Variants in CELF5 observed in about 807,000 individuals in gnomAD.
CELF5 encodes CUG-BP and ETR-3 like factor 5.
In CELF5, 6 loss-of-function variants were observed where a neutral mutation model predicts 54.9. The ratio of observed to expected loss-of-function variants is 0.11; its 90% CI spans 0.06 to 0.22. The LOEUF is 0.22. Ranked by LOEUF, CELF5 falls within the 10% of genes least tolerant of loss-of-function variation. CELF5 has a pLI of 1.00. For missense variants in CELF5, 401 were observed against 678.6 expected (o/e 0.59, Z 4.54); for synonymous variants, 271 against 290.9 (o/e 0.93, Z 0.70).
At chr19:3,231,877 AATAG>A (rs1180605620) in intron 1 of CELF5, among the ~76,000 whole-genome samples, 1 of 151,220 alleles carries the variant, frequency 6.6e-6, no homozygotes, top group Non-Finnish European at 1.5e-5. Flanking sequence ...TGAGTGAATG[AATAG>A]ATGGATGGAT....
At position 3,250,965 on chromosome 19, in the gene CELF5, C is replaced by T; in HGVS notation, c.260-20C>T. 3 of 1,602,614 alleles carry T rather than the reference C, an allele frequency of 1.9e-6. No individual in the cohort carries two copies. Among genetic ancestry groups the T allele is most frequent in the East Asian group, 2.2e-5 (1 of 44,788 alleles). ...GGTGTGCCCGTGCTCTCTTAACACCCCCGTTTCTCTCCCTTCCAGGCTGTG... is the reference window on the plus strand; with the variant it reads ...GGTGTGCCCGTGCTCTCTTAACACCTCCGTTTCTCTCCCTTCCAGGCTGTG... On this transcript the variant is annotated intron_variant, in intron 1 of 12. Transcript: ENST00000292672.
At chr19:3,244,256 A>C (rs2145033125) in intron 1 of CELF5, among the ~76,000 whole-genome samples, 1 of 151,706 alleles carries the variant, frequency 6.6e-6, no homozygotes, top group South Asian at 2.1e-4. Context: ...TGGCGTGTGC[A>C]TGGGCCTGTG....
At chr19:3,251,167 T>C in intron 2 of CELF5, 100 bp downstream of exon 2, 1 of 867,342 alleles carries the variant, frequency 1.2e-6, no homozygotes, top group Non-Finnish European at 1.9e-6. Context: ...GAATTCTGTG[T>C]GTCTCGGGAC....
intron 2 of CELF5, chr19:3,270,670 G>A (rs1286024461): frequency 6.6e-6 from 1 of 151,178 alleles, no homozygotes; most frequent in Non-Finnish European, 1.5e-5. Flanking sequence ...CAGGCCGGTG[G>A]GTAAGGCGGG....
chr19:3,294,493 G>C (rs2145335049), intron 12 of CELF5: 1 of 152,164 alleles, frequency 6.6e-6, no homozygotes, highest in Middle Eastern at 3.4e-3. Context: ...GTTAGAAGCT[G>C]TCTGGCCTTT....
At chr19:3,289,758 GTTTTA>G (rs999999525) in intron 10 of CELF5, among the ~76,000 whole-genome samples, 20 of 143,070 alleles carry the variant, frequency 1.4e-4, no homozygotes, top group African/African-American at 4.9e-4. Context: ...TTACAAATGA[GTTTTA>G]TTTTAGAGAC....
chr19:3,288,759 G>C (rs1207146504), intron 10 of CELF5, among the ~76,000 whole-genome samples: 1 of 152,034 alleles, frequency 6.6e-6, no homozygotes, highest in African/African-American at 2.4e-5. Context: ...AAAGTGGGGG[G>C]ATTGCTTGAA....
Position 3,282,234 on chromosome 19 carries a change from G to A in CELF5, c.859G>A (p.Gly287Arg), listed in dbSNP as rs1274361859. Reference sequence around the variant, plus strand: ...GCAGATAGGCGCCGTCAGCCTCAACGGGCTGCCTGCCACACCCATCGCTCC... The same window carrying A: ...GCAGATAGGCGCCGTCAGCCTCAACAGGCTGCCTGCCACACCCATCGCTCC... ...IQQIGAVSLN[G>R]LPATPIAPAS... is the part of the protein sequence containing the mutation. The change falls in exon 7 of 13, where the codon GGG becomes AGG. Residue 287 changes from glycine to arginine, a missense_variant. Physicochemically the swap from Gly to Arg is moderately radical, Grantham distance 125. Transcript: ENST00000292672. This position sits in a 1 kb window ranked among gnomAD's most constrained non-coding sequence, Gnocchi z 5.2. 1.2e-6 allele frequency: 2 copies of A among 1,613,264 alleles called. No individual in the cohort carries two copies. The highest frequency in any genetic ancestry group is 2.2e-5 in the East Asian group (1 of 44,882).
In CELF5 at chr19:3,296,263, C is replaced by T. The variant is rs530617988; in HGVS notation, c.*41-495C>T. On this transcript the variant is annotated intron_variant, in intron 12 of 12. Transcript: ENST00000292672. Reference sequence around the variant, plus strand: ...ACAGCATCAAGTTCGTTTGGACATCCGGCAAGGCCTCTTACCAAATGAGGC... The same window carrying T: ...ACAGCATCAAGTTCGTTTGGACATCTGGCAAGGCCTCTTACCAAATGAGGC... 7.4e-5 allele frequency: 11 copies of T among 147,804 alleles called. No homozygotes were observed. The East Asian group carries it at 2.0e-3, about 27-fold the overall frequency. The allele number at this position is 147,804 out of a possible 1,614,324, so 9.2% of individuals were successfully genotyped here.
At chr19:3,263,061 C>A (rs1321461590) in intron 2 of CELF5, among the ~76,000 whole-genome samples, 1 of 151,340 alleles carries the variant, frequency 6.6e-6, no homozygotes, top group African/African-American at 2.4e-5. Flanking sequence ...GTCTGGCCAA[C>A]ATGGTGAAAC....
chr19:3,234,466 A>G (rs1210959701), intron 1 of CELF5, among the ~76,000 whole-genome samples: 4 of 152,244 alleles, frequency 2.6e-5, no homozygotes, highest in Middle Eastern at 3.4e-3. Context: ...TGTGGTTGTC[A>G]TGATTTGGGG....
Position 3,267,114 on chromosome 19 carries a change from C to T in CELF5, c.343-6758C>T, listed in dbSNP as rs879563341. Among the ~76,000 whole-genome samples the T allele has an allele frequency of 2.9e-4, 43 of 148,810 alleles. No individual in the cohort carries two copies. The South Asian group carries it at 6.9e-3, about 24-fold the overall frequency. ...ATGTGTGTGTGTGTGTGTGCGTGTG[C>T]GTGTGTGTTGGGGGACAGTACGAGT... On this transcript the variant is annotated intron_variant, in intron 2 of 12. Transcript: ENST00000292672.
intron 2 of CELF5, among the ~76,000 whole-genome samples, chr19:3,260,056 C>A (rs1568344579): frequency 6.6e-6 from 1 of 152,118 alleles, no homozygotes; most frequent in African/African-American, 2.4e-5. Context: ...TAATATATTT[C>A]ATTTGAACCC....
chr19:3,285,997 G>A lies in CELF5; in HGVS notation c.1158G>A (p.Pro386=), dbSNP rs1401429079. 6 of 1,582,018 alleles carry A rather than the reference G, an allele frequency of 3.8e-6. No homozygotes were observed. In the Admixed American group the frequency reaches 5.2e-5, roughly 14 times the overall value. The change falls in exon 10 of 13, where the codon CCG becomes CCA. Residue 386 remains proline, a synonymous_variant. Coordinates refer to ENST00000292672, the MANE Select transcript of CELF5 (RefSeq NM_021938.4). ...TPIAHSVPQP[P]PLLQQQQREG... is the part of the protein sequence containing the mutation. Reference sequence around the variant, plus strand: ...TCGCGCACAGCGTCCCCCAGCCGCCGCCCCTCCTGCAGCAGCAGCAGCGAG... The same window carrying A: ...TCGCGCACAGCGTCCCCCAGCCGCCACCCCTCCTGCAGCAGCAGCAGCGAG...
At chr19:3,292,659 CAG>C (rs1033135110) in intron 11 of CELF5, among the ~76,000 whole-genome samples, 4 of 151,698 alleles carry the variant, frequency 2.6e-5, no homozygotes, top group Non-Finnish European at 5.9e-5. Flanking sequence ...GAGAAAGAGA[CAG>C]AGATGAGACA....
chr19:3,285,849 CT>C, intron 9 of CELF5, 92 bp from the exon 10 acceptor site: 1 of 772,090 alleles, frequency 1.3e-6, no homozygotes, highest in Non-Finnish European at 1.9e-6. Flanking sequence ...GCCCCACCCT[CT>C]TATGGCCCCG....
rs562831466 is a variant in CELF5 at position 3,279,549 on chromosome 19, C to T, written c.603+1439C>T. On this transcript the variant is annotated intron_variant, in intron 5 of 12. Transcript: ENST00000292672. Reference sequence around the variant, plus strand: ...TTCTCTATCGGAGGAGGCATGTCAGCGAAGACAGGGAGGCAACAGGGTGCA... The same window carrying T: ...TTCTCTATCGGAGGAGGCATGTCAGTGAAGACAGGGAGGCAACAGGGTGCA... Among the ~76,000 whole-genome samples the T allele has an allele frequency of 2.0e-5, 3 of 152,114 alleles. 1 individual carries two copies. The highest frequency in any genetic ancestry group is 7.2e-5 in the African/African-American group (3 of 41,490).
chr19:3,285,945 T>A lies in CELF5; in HGVS notation c.1106T>A (p.Met369Lys). The change falls in exon 10 of 13, where the codon ATG (methionine) becomes AAG (lysine). Residue 369 changes from methionine to lysine, a missense_variant. Physicochemically the swap from Met to Lys is moderately conservative, Grantham distance 95. Around this residue, in one of 6 missense-constraint regions of CELF5, gnomAD observed 143 missense variants for 147.6 expected, o/e 0.97. Transcript: ENST00000292672. Reference sequence around the variant, plus strand: ...TGTCTCGCTCCGGTCTCCGCAGCCATGTACCCCACCGCGGCCATCACGCCC... The same window carrying A: ...TGTCTCGCTCCGGTCTCCGCAGCCAAGTACCCCACCGCGGCCATCACGCCC... The part of the protein sequence containing the change: ...AFSGVQQYTA[M>K]YPTAAITPIA... 1 of 1,573,172 alleles carries A rather than the reference T, an allele frequency of 6.4e-7. No homozygotes were observed. Among genetic ancestry groups the A allele is most frequent in the Non-Finnish European group, 8.6e-7 (1 of 1,164,672 alleles).
intron 1 of CELF5, 128 bp downstream of exon 1, chr19:3,225,126 A>T: frequency 1.9e-6 from 1 of 530,016 alleles, no homozygotes; most frequent in Non-Finnish European, 3.0e-6. Context: ...CTGCCGGAGC[A>T]TCGGTTCTTA....
Sources: gnomAD v4.1 joint callset for allele counts (sites outside exome capture counted in the v4.1 genomes callset) on GRCh38, gnomAD v4.1.1 for gene constraint, gnomAD v4.1.1 regional missense constraint, Gnocchi (gnomAD v3.1) non-coding constraint, MANE v1.5 for transcripts, NCBI Gene and HGNC (gene_info 2026-07-23, HGNC 2026-07-21) for gene names.